Variants in ADAM9 observed in about 807,000 individuals in gnomAD.
The protein encoded by ADAM9 is disintegrin and metalloproteinase domain-containing protein 9.
ADAM9 carries 54 observed loss-of-function variants against 108.1 expected under a neutral mutation model. That is an observed-to-expected ratio of 0.50 (90% CI 0.40 to 0.63). The LOEUF (loss-of-function observed/expected upper bound fraction) is 0.63. Among genes scored for constraint, ADAM9 ranks in the 20% least tolerant of loss-of-function variants. ADAM9 has a pLI of 0.00. For missense variants in ADAM9, 830 were observed against 997.7 expected (o/e 0.83, Z 2.26); for synonymous variants, 316 against 336.0 (o/e 0.94, Z 0.65).
intron 16 of ADAM9, among the ~76,000 whole-genome samples, chr8:39,080,218 G>A (rs1315732222): frequency 1.3e-5 from 2 of 151,762 alleles, no homozygotes; most frequent in East Asian, 1.9e-4. Flanking sequence ...CAAAGTTGTC[G>A]TGATTAAAAA....
chr8:39,038,540 A>G (rs1460634642), intron 11 of ADAM9, among the ~76,000 whole-genome samples: 1 of 152,102 alleles, frequency 6.6e-6, no homozygotes, highest in Non-Finnish European at 1.5e-5. Flanking sequence ...TCCCCATAGC[A>G]CTTATTACCT....
intron 8 of ADAM9, among the ~76,000 whole-genome samples, chr8:39,022,929 T>G (rs1419881503): frequency 1.3e-5 from 2 of 152,042 alleles, no homozygotes; most frequent in Admixed American, 6.6e-5. Flanking sequence ...GCCAGGTTGG[T>G]CTCCAACTCC....
At position 39,050,695 on chromosome 8, in the gene ADAM9, T is replaced by C. The variant is rs1837929275; in HGVS notation, c.1303-3786T>C. On this transcript the variant is annotated intron_variant, in intron 12 of 21. Coordinates refer to ENST00000487273, the MANE Select transcript of ADAM9 (RefSeq NM_003816.3). ...CTTTTCTATTGTTGTTAGCGCTCAG[T>C]GTCTACAATATGCTGGAGCCTATCA... Among the ~76,000 whole-genome samples the C allele has an allele frequency of 2.0e-5, 3 of 152,112 alleles. No homozygotes were observed. In the South Asian group the frequency reaches 6.2e-4, roughly 31 times the overall value.
chr8:39,033,170 T>TG (rs751552655), intron 11 of ADAM9, among the ~76,000 whole-genome samples: 1 of 152,248 alleles, frequency 6.6e-6, no homozygotes, highest in African/African-American at 2.4e-5. Context: ...CTCTCATTTT[T>TG]GGGGGTCCTA....
chr8:39,063,771 T>C (rs1389051427), intron 14 of ADAM9, among the ~76,000 whole-genome samples: 1 of 152,120 alleles, frequency 6.6e-6, no homozygotes, highest in Non-Finnish European at 1.5e-5. Flanking sequence ...TGTACCCAGC[T>C]TTATCAAAGT....
chr8:39,054,395 G>C (rs1433462492), intron 12 of ADAM9, 86 bp from the exon 13 acceptor site: 1 of 1,195,304 alleles, frequency 8.4e-7, no homozygotes, highest in Non-Finnish European at 1.2e-6. Flanking sequence ...GAATGAAGTA[G>C]ATTTTAGGTG....
chr8:39,068,675 C>CA lies in ADAM9; in HGVS notation c.1592-2584dup, dbSNP rs562274321. ...GAGTGACAAGAGTGAAACTTCTCCT[C>CA]AAAAAAAAAAAAAAAAAAAAAAAAA... On this transcript the variant is annotated intron_variant, in intron 14 of 21. Transcript: ENST00000487273. 1.0e-3 allele frequency among the ~76,000 whole-genome samples: 44 copies of CA among 42,044 alleles called. 7 individuals are homozygous for CA. Among genetic ancestry groups the CA allele is most frequent in the Non-Finnish European group, 1.3e-3 (29 of 21,616 alleles). The allele number at this position is 42,044 out of a possible 152,430, so 27.6% of individuals were successfully genotyped here. A position where few individuals can be genotyped will look rare whatever the true frequency, so the allele number is the denominator to read the frequency against.
rs991933062 is a variant in ADAM9, at chr8:39,072,603, C to G, written c.1697+1200C>G. The stretch of plus-strand genomic sequence containing the variant: ...CTCTGAGAAGCTCCAGCCCTGCTGG[C>G]CTGCATGTGGCCTGCGGCCACAGGG... On this transcript the variant is annotated intron_variant, in intron 15 of 21. Transcript: ENST00000487273. Among the ~76,000 whole-genome samples, 5 of 152,240 alleles carry G rather than the reference C, an allele frequency of 3.3e-5. No individual in the cohort carries two copies. The South Asian group carries it at 6.2e-4, about 19-fold the overall frequency.
chr8:39,011,646 C>T lies in ADAM9; in HGVS notation c.196-12C>T. The T allele has an allele frequency of 6.2e-7, 1 of 1,604,970 alleles. No homozygotes were observed. The highest frequency in any genetic ancestry group is 8.5e-7 in the Non-Finnish European group (1 of 1,172,048). On this transcript the variant is annotated splice_polypyrimidine_tract_variant and intron_variant, in intron 2 of 21. Coordinates refer to ENST00000487273, the MANE Select transcript of ADAM9 (RefSeq NM_003816.3). ...GATGATGTTTTATTCTTTTCCCCTT[C>T]TGTGCATTTAGGTATCTTATGTTAT...
At chr8:39,000,550 T>G (rs1405775545) in intron 1 of ADAM9, among the ~76,000 whole-genome samples, 1 of 151,836 alleles carries the variant, frequency 6.6e-6, no homozygotes, top group Non-Finnish European at 1.5e-5. Flanking sequence ...TAACCTCGAA[T>G]TCCTGGGCTG....
rs1836364403 is a variant in ADAM9, at chr8:39,011,819, T to C, written c.254+103T>C. ...GTTTAGTGGATCCTGAACCCTGGGA[T>C]TAAGCAGATTTAGCTCTTCATATTG... On this transcript the variant is annotated intron_variant, in intron 3 of 21. Coordinates refer to ENST00000487273, the MANE Select transcript of ADAM9 (RefSeq NM_003816.3). 2.7e-6 allele frequency: 3 copies of C among 1,110,836 alleles called. No individual in the cohort carries two copies. In the Admixed American group the frequency reaches 5.4e-5, roughly 20 times the overall value. 68.8% of individuals were successfully genotyped at this position (1,110,836 alleles called of 1,614,324 possible).
rs183897509 is a variant in ADAM9 at position 39,012,073 on chromosome 8, A to C, written c.254+357A>C. ...AGGCTACTTCTATGCCTACTCACAT[A>C]GACTTTAATAAAGGTAAAGGATATA... On this transcript the variant is annotated intron_variant, in intron 3 of 21. Transcript: ENST00000487273. Among the ~76,000 whole-genome samples the C allele has an allele frequency of 1.1e-3, 169 of 152,340 alleles. 1 individual carries two copies. The highest frequency in any genetic ancestry group is 3.8e-3 in the African/African-American group (159 of 41,580).
chr8:39,104,317 T>G lies in ADAM9; in HGVS notation c.*617T>G. 1 of 452,760 alleles carries G rather than the reference T, an allele frequency of 2.2e-6. No individual in the cohort carries two copies. Among genetic ancestry groups the G allele is most frequent in the Non-Finnish European group, 4.4e-6 (1 of 225,730 alleles). The allele number at this position is 452,760 out of a possible 1,614,324, so 28.0% of individuals were successfully genotyped here. ...AAGTACAAAATATACTAAAAGAGTG[T>G]GTGTGTATTCACGCAGTTACTCGCT... is the stretch of plus-strand genomic sequence containing the variant. On this transcript the variant is annotated 3_prime_UTR_variant, in exon 22 of 22. Coordinates refer to ENST00000487273, the MANE Select transcript of ADAM9 (RefSeq NM_003816.3).
chr8:39,033,494 G>T (rs1396986481), intron 11 of ADAM9, among the ~76,000 whole-genome samples: 7 of 148,790 alleles, frequency 4.7e-5, no homozygotes, highest in South Asian at 2.1e-4. Flanking sequence ...TTGACAGTGT[G>T]TTTTTTTTTA....
At chr8:39,078,356 C>T (rs1320368002) in intron 16 of ADAM9, among the ~76,000 whole-genome samples, 1 of 116,518 alleles carries the variant, frequency 8.6e-6, no homozygotes, top group Non-Finnish European at 1.7e-5. Context: ...GAGGAAGACT[C>T]TGTCTCAAAA....
chr8:39,095,549 A>G (rs1839477207), intron 20 of ADAM9, among the ~76,000 whole-genome samples: 2 of 152,160 alleles, frequency 1.3e-5, no homozygotes, highest in South Asian at 2.1e-4. Context: ...GCAGTTTAAC[A>G]TATTATTTGT....
At chr8:38,999,965 G>C (rs756095332) in intron 1 of ADAM9, among the ~76,000 whole-genome samples, 1 of 152,016 alleles carries the variant, frequency 6.6e-6, no homozygotes, top group Non-Finnish European at 1.5e-5. Context: ...TTTTGAGTCA[G>C]CGCTATGGAA....
intron 14 of ADAM9, among the ~76,000 whole-genome samples, chr8:39,060,469 T>G (rs1369051837): frequency 6.6e-6 from 1 of 152,168 alleles, no homozygotes; most frequent in Non-Finnish European, 1.5e-5. Flanking sequence ...AGGAATATTT[T>G]GCCTTCAGAA....
chr8:39,017,646 A>G (rs575649849), intron 6 of ADAM9, among the ~76,000 whole-genome samples: 21 of 152,322 alleles, frequency 1.4e-4, no homozygotes, highest in African/African-American at 4.8e-4. Flanking sequence ...TAGGACTTAA[A>G]TCTGCAACAA....
Sources: allele counts gnomAD v4.1 joint callset (sites outside exome capture counted in the v4.1 genomes callset), GRCh38; gene constraint gnomAD v4.1.1; transcripts MANE v1.5; gene names NCBI Gene and HGNC (gene_info 2026-07-23, HGNC 2026-07-21).